CLEC4C: variants seen among roughly 807,000 people sequenced by gnomAD.
CLEC4C encodes the protein C-type lectin domain family 4 member C, also known as C-type (calcium dependent, carbohydrate-recognition domain) lectin, superfamily member 11.
In CLEC4C, 17 loss-of-function variants were observed where a neutral mutation model predicts 27.7. The observed-to-expected ratio is 0.61, with a 90% confidence interval of 0.42 to 0.92. The LOEUF is 0.92. Among genes scored for constraint, CLEC4C ranks in the 40% least tolerant of loss-of-function variants. CLEC4C has a pLI of 0.00. For synonymous variants in CLEC4C, 80 were observed against 80.8 expected (o/e 0.99, Z 0.06); for missense variants, 244 against 257.3 (o/e 0.95, Z 0.35).
intron 5 of CLEC4C, among the ~76,000 whole-genome samples, chr12:7,730,014 A>G (rs911999718): frequency 6.6e-6 from 1 of 152,192 alleles, no homozygotes; most frequent in African/African-American, 2.4e-5. Context: ...CTACTGGCAG[A>G]TGTCCAAGAG....
chr12:7,746,600 T>G (rs1371921613), intron 1 of CLEC4C, among the ~76,000 whole-genome samples, 177 bp from the exon 2 acceptor site: 4 of 152,138 alleles, frequency 2.6e-5, no homozygotes, highest in Non-Finnish European at 5.9e-5. Flanking sequence ...AATGACCAGA[T>G]AGTACCCTGG....
intron 3 of CLEC4C, among the ~76,000 whole-genome samples, chr12:7,739,041 G>A (rs757811117): frequency 5.2e-4 from 76 of 144,808 alleles, no homozygotes; most frequent in Admixed American, 1.8e-3. Flanking sequence ...ATTCCCACCA[G>A]TAGTTTTGAA....
upstream of CLEC4C, chr12:7,747,531 G>A (rs183404649): frequency 2.0e-6 from 1 of 492,068 alleles, no homozygotes; most frequent in Admixed American, 3.2e-5. Context: ...GTGAGCTAAA[G>A]CTTTCAATTT....
chr12:7,748,049 C>T (rs775592540), upstream of CLEC4C, among the ~76,000 whole-genome samples: 5 of 152,016 alleles, frequency 3.3e-5, no homozygotes, highest in South Asian at 4.2e-4. Context: ...TGAGCCACCA[C>T]GTGCCCGGCC....
chr12:7,729,804 G>C, intron 5 of CLEC4C, 64 bp from the exon 6 acceptor site: 1 of 1,489,586 alleles, frequency 6.7e-7, no homozygotes, highest in South Asian at 1.2e-5. Flanking sequence ...TAGAGACTGG[G>C]AGAGGGCTAG....
At chr12:7,744,431 G>A (rs1022082487) in intron 2 of CLEC4C, among the ~76,000 whole-genome samples, 1 of 152,118 alleles carries the variant, frequency 6.6e-6, no homozygotes, top group Non-Finnish European at 1.5e-5. Context: ...CTTCCTCACA[G>A]ATGTTTCATT....
chr12:7,736,997 G>A lies in CLEC4C; in HGVS notation c.381+432C>T, dbSNP rs186303947. 4.0e-3 allele frequency among the ~76,000 whole-genome samples: 611 copies of A among 152,278 alleles called. 4 individuals are homozygous for A. Among genetic ancestry groups the A allele is most frequent in the African/African-American group, 0.013 (559 of 41,560 alleles). On this transcript the variant is annotated intron_variant, in intron 4 of 5. Transcript: ENST00000360345. Reference sequence around the variant, plus strand: ...TATAATCCCAACACTTTGAGAGGCCGAGGCAGGTGGATCATTTGAGGTCAG... The same window carrying A: ...TATAATCCCAACACTTTGAGAGGCCAAGGCAGGTGGATCATTTGAGGTCAG...
intron 4 of CLEC4C, among the ~76,000 whole-genome samples, chr12:7,732,441 T>C (rs977474059): frequency 7.3e-5 from 11 of 151,012 alleles, no homozygotes; most frequent in African/African-American, 2.7e-4. Flanking sequence ...AACCTCCAAA[T>C]CCCTGGTTCA....
intron 2 of CLEC4C, among the ~76,000 whole-genome samples, chr12:7,746,076 A>G (rs573779775): frequency 9.2e-5 from 14 of 151,736 alleles, no homozygotes; most frequent in South Asian, 2.1e-4. Flanking sequence ...TTAGCCAGGC[A>G]TGGTGGCGGG....
chr12:7,743,132 T>A (rs752349822), intron 2 of CLEC4C, among the ~76,000 whole-genome samples: 9 of 152,180 alleles, frequency 5.9e-5, no homozygotes, highest in Non-Finnish European at 1.0e-4. Flanking sequence ...AGGTGTTCAG[T>A]AAGCATTTGT....
chr12:7,745,767 G>A (rs1254721580), intron 2 of CLEC4C, among the ~76,000 whole-genome samples: 1 of 151,824 alleles, frequency 6.6e-6, no homozygotes, highest in South Asian at 2.1e-4. Context: ...AGCCCAAGCT[G>A]ACCAAGACAG....
chr12:7,741,825 A>G (rs1441680763), intron 2 of CLEC4C, among the ~76,000 whole-genome samples: 1 of 152,102 alleles, frequency 6.6e-6, no homozygotes, highest in Non-Finnish European at 1.5e-5. Flanking sequence ...TGAGGTCAGG[A>G]GTTTGACCAA....
intron 2 of CLEC4C, among the ~76,000 whole-genome samples, chr12:7,741,977 C>T (rs779743399): frequency 6.6e-5 from 10 of 151,508 alleles, no homozygotes; most frequent in Admixed American, 3.3e-4. Flanking sequence ...GCCGAGACCG[C>T]GCCATTGCAC....
chr12:7,737,122 T>C (rs1218147043), intron 4 of CLEC4C, among the ~76,000 whole-genome samples: 4 of 151,198 alleles, frequency 2.6e-5, no homozygotes, highest in Non-Finnish European at 5.9e-5. Flanking sequence ...TCCCAGCTAC[T>C]TGGGAGGCTG....
intron 2 of CLEC4C, among the ~76,000 whole-genome samples, chr12:7,745,017 G>A (rs1338869594): frequency 6.6e-6 from 1 of 152,020 alleles, no homozygotes. Context: ...GTTCCCAATA[G>A]AGACTTTTTT....
chr12:7,745,545 G>A (rs1864956709), intron 2 of CLEC4C, among the ~76,000 whole-genome samples: 1 of 140,130 alleles, frequency 7.1e-6, no homozygotes, highest in Non-Finnish European at 1.5e-5. Flanking sequence ...TGAGTCTCCT[G>A]CCTCAGCCTC....
rs758286800 is a variant in CLEC4C, at chr12:7,736,304, C to A, written c.381+1125G>T. On this transcript the variant is annotated intron_variant, in intron 4 of 5. Transcript: ENST00000360345. ...TGGGCAACAGAGTGAGACTCTGTCT[C>A]AAAAACAAAAAGAAGATTAGTGAAC... Among the ~76,000 whole-genome samples, 5 of 151,666 alleles carry A rather than the reference C, an allele frequency of 3.3e-5. No homozygotes were observed. In the South Asian group the frequency reaches 1.0e-3, roughly 32 times the overall value.
At chr12:7,737,608 T>C in intron 3 of CLEC4C, 34 bp from the exon 4 acceptor site, 1 of 1,586,820 alleles carries the variant, frequency 6.3e-7, no homozygotes, top group Admixed American at 1.7e-5. Flanking sequence ...GAAAAAATAT[T>C]AACAGAGAAT....
upstream of CLEC4C, chr12:7,749,224 C>T (rs1316297755): frequency 2.6e-5 from 4 of 152,238 alleles, no homozygotes; most frequent in African/African-American, 7.2e-5. Context: ...TGAGGTGGCC[C>T]CTTGGCTCTT....
Sources: allele counts gnomAD v4.1 joint callset (sites outside exome capture counted in the v4.1 genomes callset), GRCh38; gene constraint gnomAD v4.1.1; transcripts MANE v1.5; gene names NCBI Gene and HGNC (gene_info 2026-07-23, HGNC 2026-07-21).